EPHB3: variants seen among roughly 807,000 people sequenced by gnomAD.
EPHB3 encodes ephrin type-B receptor 3.
A neutral mutation model predicts 100.2 loss-of-function variants in EPHB3; 33 were observed. The observed-to-expected ratio is 0.33, with a 90% CI of 0.25 to 0.44. The LOEUF is 0.44. Ranked by LOEUF, EPHB3 falls within the 20% of genes least tolerant of loss-of-function variation. EPHB3 has a pLI of 1.00. For synonymous variants in EPHB3, 526 were observed against 554.7 expected, an observed-to-expected ratio of 0.95 and a Z score of 0.73; for missense variants, 1,045 against 1,378.3, an observed-to-expected ratio of 0.76 and a Z score of 3.83.
intron 1 of EPHB3, among the ~76,000 whole-genome samples, chr3:184,567,883 G>T (rs540130622): frequency 6.6e-6 from 1 of 152,322 alleles, no homozygotes; most frequent in East Asian, 1.9e-4. Flanking sequence ...AGGCAAGCCA[G>T]ATCTCTGTGT....
intron 11 of EPHB3, 28 bp from the exon 12 acceptor site, chr3:184,580,374 C>T: frequency 1.2e-6 from 2 of 1,613,976 alleles, no homozygotes; most frequent in Non-Finnish European, 1.7e-6. Context: ...GAGCAATGGG[C>T]TCACCTGAGC....
Position 184,563,109 on chromosome 3 carries a change from TG to T in EPHB3, c.118+762del, listed in dbSNP as rs1476535224. 1.3e-5 allele frequency among the ~76,000 whole-genome samples: 2 copies of T among 152,164 alleles called. No homozygotes were observed. The highest frequency in any genetic ancestry group is 2.4e-5 in the African/African-American group (1 of 41,430). On this transcript the variant is annotated intron_variant, in intron 1 of 15. Coordinates refer to ENST00000330394, the MANE Select transcript of EPHB3 (RefSeq NM_004443.4). This position sits in a 1 kb window ranked among gnomAD's most constrained non-coding sequence, Gnocchi z 4.1. The stretch of plus-strand genomic sequence containing the variant: ...TCTGTGAAACCTGCCAAGACTGCTG[TG>T]GGGGGCAGCTCCAACTTCCAAATGA...
In EPHB3 at chr3:184,580,848, G is replaced by T. The variant is rs1331610227; in HGVS notation, c.2508G>T (p.Glu836Asp). The change falls in exon 13 of 16, where the codon GAG becomes GAT. Residue 836 changes from glutamate to aspartate, a missense_variant. Glu to Asp is a conservative substitution (Grantham distance 45). This residue lies in a region of EPHB3 where 985 missense variants were observed against 1,331.1 expected (regional missense o/e 0.74). Transcript: ENST00000330394. ...IVMWEVMSYG[E>D]RPYWDMSNQD... ...TGTGGGAGGTCATGAGCTATGGAGA[G>T]CGACCCTACTGGGACATGAGCAACC... The T allele has an allele frequency of 1.9e-6, 3 of 1,614,194 alleles. No homozygotes were observed. Among genetic ancestry groups the T allele is most frequent in the Non-Finnish European group, 1.7e-6 (2 of 1,180,002 alleles).
chr3:184,562,304 G>A lies in EPHB3; in HGVS notation c.69G>A (p.Leu23=). Residue 23 remains leucine (L), a synonymous_variant, in exon 1 of 16, where the codon CTG becomes CTA. Transcript: ENST00000330394. This position sits in a 1 kb window ranked among gnomAD's most constrained non-coding sequence, Gnocchi z 4.8. The part of the protein sequence containing the change: ...PPGLLPLLPP[L]LLLPLLLLPA... Reference sequence around the variant, plus strand: ...GGCTTCTGCCGCTGCTCCCTCCGCTGCTGCTGCTGCCGCTGCTGCTGCTGC... The same window carrying A: ...GGCTTCTGCCGCTGCTCCCTCCGCTACTGCTGCTGCCGCTGCTGCTGCTGC... 4.0e-6 allele frequency: 5 copies of A among 1,251,342 alleles called. No homozygotes were observed. The highest frequency in any genetic ancestry group is 2.0e-6 in the Non-Finnish European group (2 of 998,390). The allele number at this position is 1,251,342 out of a possible 1,614,324, so 77.5% of individuals were successfully genotyped here.
Position 184,578,079 on chromosome 3 carries a change from C to T in EPHB3, c.1748+73C>T. 6.6e-7 allele frequency: 1 copy of T among 1,504,476 alleles called. No homozygotes were observed. The highest frequency in any genetic ancestry group is 9.1e-7 in the Non-Finnish European group (1 of 1,103,698). The allele number at this position is 1,504,476 out of a possible 1,614,324, so 93.2% of individuals were successfully genotyped here. On this transcript the variant is annotated intron_variant, in intron 8 of 15. Coordinates refer to ENST00000330394, the MANE Select transcript of EPHB3 (RefSeq NM_004443.4). The surrounding 1 kb of genome is among the most constrained non-coding windows in gnomAD (Gnocchi z 4.7). Reference sequence around the variant, plus strand: ...TTAGCATCCTAGAGCCCTCATGCCACAGAGATGAGCCGCCACCACTTCCCT... The same window carrying T: ...TTAGCATCCTAGAGCCCTCATGCCATAGAGATGAGCCGCCACCACTTCCCT...
In EPHB3 at chr3:184,562,371, G is replaced by A. The variant is rs765272306; in HGVS notation, c.118+18G>A. On this transcript the variant is annotated intron_variant, in intron 1 of 15. Coordinates refer to ENST00000330394, the MANE Select transcript of EPHB3 (RefSeq NM_004443.4). This position sits in a 1 kb window ranked among gnomAD's most constrained non-coding sequence, Gnocchi z 4.8. ...GCTGGAAGGTGAGCGGCGTCGGGGGGCGCGCCCGGGAACAAGGTGCCTGGG... is the reference window on the plus strand; with the variant it reads ...GCTGGAAGGTGAGCGGCGTCGGGGGACGCGCCCGGGAACAAGGTGCCTGGG... 1.6e-6 allele frequency: 2 copies of A among 1,218,208 alleles called. No individual in the cohort carries two copies. Among genetic ancestry groups the A allele is most frequent in the Middle Eastern group, 3.2e-4 (1 of 3,122 alleles). The allele number at this position is 1,218,208 out of a possible 1,614,324, so 75.5% of individuals were successfully genotyped here.
rs1276638409 is a variant in EPHB3, at chr3:184,577,315, C to A, written c.1355-28C>A. The stretch of plus-strand genomic sequence containing the variant: ...GGGAAGGATGCCAGGGTCCAGGGAG[C>A]CCCTGGTGAGCCCTCTGCTCTTCCC... On this transcript the variant is annotated intron_variant, in intron 5 of 15. Transcript: ENST00000330394. This position sits in a 1 kb window ranked among gnomAD's most constrained non-coding sequence, Gnocchi z 4.9. 3 of 1,608,424 alleles carry A rather than the reference C, an allele frequency of 1.9e-6. No individual in the cohort carries two copies. Among genetic ancestry groups the A allele is most frequent in the Non-Finnish European group, 2.5e-6 (3 of 1,177,418 alleles).
At chr3:184,576,108 A>G (rs1714670940) in intron 4 of EPHB3, 123 bp downstream of exon 4, 1 of 1,351,344 alleles carries the variant, frequency 7.4e-7, no homozygotes, top group Non-Finnish European at 9.9e-7. Flanking sequence ...GGCTCAGGGA[A>G]GTTAGATGTT....
intron 1 of EPHB3, among the ~76,000 whole-genome samples, chr3:184,564,059 A>G (rs1194551501): frequency 6.6e-6 from 1 of 151,842 alleles, no homozygotes; most frequent in Non-Finnish European, 1.5e-5. Flanking sequence ...TCAGGAGTCC[A>G]GGCCCTAGCA....
chr3:184,580,997 A>C lies in EPHB3; in HGVS notation c.2564A>C (p.Tyr855Ser). 1 of 1,612,752 alleles carries C rather than the reference A, an allele frequency of 6.2e-7. No homozygotes were observed. The highest frequency in any genetic ancestry group is 8.5e-7 in the Non-Finnish European group (1 of 1,178,940). The change falls in exon 14 of 16, where the codon TAC (tyrosine) becomes TCC (serine). Residue 855 changes from tyrosine to serine, a missense_variant. This residue lies in a region of EPHB3 where 985 missense variants were observed against 1,331.1 expected (regional missense o/e 0.74). Coordinates refer to ENST00000330394, the MANE Select transcript of EPHB3 (RefSeq NM_004443.4). ...GTCATCAATGCCGTGGAGCAGGATTACCGGCTGCCACCACCCATGGACTGT... is the reference window on the plus strand; with the variant it reads ...GTCATCAATGCCGTGGAGCAGGATTCCCGGCTGCCACCACCCATGGACTGT... Reference protein sequence around the residue: ...QDVINAVEQDYRLPPPMDCPT... With the variant: ...QDVINAVEQDSRLPPPMDCPT...
chr3:184,577,068 C>T lies in EPHB3; in HGVS notation c.1239C>T (p.Ser413=). Residue 413 remains serine, a synonymous_variant, in exon 5 of 16, where the codon AGC becomes AGT. Transcript: ENST00000330394. The surrounding 1 kb of genome is among the most constrained non-coding windows in gnomAD (Gnocchi z 4.9). The part of the protein sequence containing the change: ...LGLTERRVHI[S]HLLAHTRYTF... Reference sequence around the variant, plus strand: ...TGACGGAGCGCCGGGTCCACATCAGCCATCTGCTGGCCCACACGCGCTACA... The same window carrying T: ...TGACGGAGCGCCGGGTCCACATCAGTCATCTGCTGGCCCACACGCGCTACA... 1 of 1,613,696 alleles carries T rather than the reference C, an allele frequency of 6.2e-7. No homozygotes were observed. The highest frequency in any genetic ancestry group is 1.1e-5 in the South Asian group (1 of 91,078).
chr3:184,564,563 C>T (rs1474606131), intron 1 of EPHB3, among the ~76,000 whole-genome samples: 2 of 152,190 alleles, frequency 1.3e-5, no homozygotes, highest in African/African-American at 4.8e-5. Flanking sequence ...TTATTGTTAC[C>T]CTAGGGTCTG....
Position 184,578,550 on chromosome 3 carries a change from A to C in EPHB3, c.1801+84A>C. The C allele has an allele frequency of 6.4e-7, 1 of 1,569,972 alleles. No individual in the cohort carries two copies. The highest frequency in any genetic ancestry group is 2.3e-5 in the East Asian group (1 of 44,236). On this transcript the variant is annotated intron_variant, in intron 9 of 15. Coordinates refer to ENST00000330394, the MANE Select transcript of EPHB3 (RefSeq NM_004443.4). This position sits in a 1 kb window ranked among gnomAD's most constrained non-coding sequence, Gnocchi z 4.7. ...CACCCTTCTCCCTGCCTGGGACTTC[A>C]TTCCTTAGAGATAAACCCTGAATGC...
Position 184,578,539 on chromosome 3 carries a change from C to A in EPHB3, c.1801+73C>A, listed in dbSNP as rs1280456635. 6.3e-7 allele frequency: 1 copy of A among 1,588,802 alleles called. No individual in the cohort carries two copies. The highest frequency in any genetic ancestry group is 1.3e-5 in the African/African-American group (1 of 74,536). On this transcript the variant is annotated intron_variant, in intron 9 of 15. Coordinates refer to ENST00000330394, the MANE Select transcript of EPHB3 (RefSeq NM_004443.4). The surrounding 1 kb of genome is among the most constrained non-coding windows in gnomAD (Gnocchi z 4.7). ...GGGCTCTCAGACACCCTTCTCCCTG[C>A]CTGGGACTTCATTCCTTAGAGATAA...
In EPHB3 at chr3:184,579,788, C is replaced by A. The variant is rs55824948; in HGVS notation, c.2026C>A (p.Arg676=). ...GAAGGTGGGCTACACCGAGAGGCAG[C>A]GGCGGGACTTCCTAAGCGAGGCCTC... ...TLKVGYTERQ[R]RDFLSEASIM... The change falls in exon 11 of 16, where the codon CGG becomes AGG. Residue 676 remains arginine, a synonymous_variant. Coordinates refer to ENST00000330394, the MANE Select transcript of EPHB3 (RefSeq NM_004443.4). The surrounding 1 kb of genome is among the most constrained non-coding windows in gnomAD (Gnocchi z 5.2). 5 of 1,613,726 alleles carry A rather than the reference C, an allele frequency of 3.1e-6. No individual in the cohort carries two copies. Among genetic ancestry groups the A allele is most frequent in the Middle Eastern group, 3.3e-4 (2 of 6,084 alleles).
intron 1 of EPHB3, among the ~76,000 whole-genome samples, chr3:184,567,762 A>C (rs1714423450): frequency 6.6e-6 from 1 of 152,200 alleles, no homozygotes; most frequent in African/African-American, 2.4e-5. Context: ...TAGCATGTGC[A>C]ATTGGGTGTG....
At chr3:184,580,325 C>T (rs533990214) in intron 11 of EPHB3, 77 bp from the exon 12 acceptor site, 21 of 1,579,022 alleles carry the variant, frequency 1.3e-5, no homozygotes, top group South Asian at 1.0e-4. Flanking sequence ...TCTGAGTACT[C>T]GGAGAGGGAA....
At position 184,571,539 on chromosome 3, in the gene EPHB3, C is replaced by T. The variant is rs935305572; in HGVS notation, c.183+157C>T. On this transcript the variant is annotated intron_variant, in intron 2 of 15. Coordinates refer to ENST00000330394, the MANE Select transcript of EPHB3 (RefSeq NM_004443.4). This position sits in a 1 kb window ranked among gnomAD's most constrained non-coding sequence, Gnocchi z 5.0. ...TCCTGTGCCATCCCCATCATCCTCA[C>T]TTGTGACCCTCTGAAGCACCTCATG... 6.6e-6 allele frequency among the ~76,000 whole-genome samples: 1 copy of T among 151,940 alleles called. No individual in the cohort carries two copies. Among genetic ancestry groups the T allele is most frequent in the Non-Finnish European group, 1.5e-5 (1 of 67,986 alleles).
intron 1 of EPHB3, among the ~76,000 whole-genome samples, chr3:184,568,344 C>T (rs1714447908): frequency 6.6e-6 from 1 of 152,210 alleles, no homozygotes; most frequent in South Asian, 2.1e-4. Context: ...CCTCTTCTCC[C>T]CTCTGCCTCC....
Sources: gnomAD v4.1 joint callset for allele counts (sites outside exome capture counted in the v4.1 genomes callset) on GRCh38, gnomAD v4.1.1 for gene constraint, gnomAD v4.1.1 regional missense constraint, Gnocchi (gnomAD v3.1) non-coding constraint, MANE v1.5 for transcripts, NCBI Gene and HGNC (gene_info 2026-07-23, HGNC 2026-07-21) for gene names.